Variants in RAB3GAP2 observed in about 807,000 individuals in gnomAD.
The protein encoded by RAB3GAP2 is rab3 GTPase-activating protein non-catalytic subunit.
A neutral mutation model predicts 185.3 loss-of-function variants in RAB3GAP2; 87 were observed. The ratio of observed to expected loss-of-function variants is 0.47; its 90% CI spans 0.39 to 0.56. The LOEUF is 0.56. Ranked by LOEUF, RAB3GAP2 falls within the 20% of genes least tolerant of loss-of-function variation. The pLI is 0.00. For synonymous variants in RAB3GAP2, 554 were observed against 576.1 expected (o/e 0.96, Z 0.55); for missense variants, 1,492 against 1,638.2 (o/e 0.91, Z 1.54).
rs1465554732 is a variant in RAB3GAP2 at position 220,151,200 on chromosome 1, C to T, written c.*51G>A. 6.4e-7 allele frequency: 1 copy of T among 1,550,786 alleles called. No homozygotes were observed. The highest frequency in any genetic ancestry group is 1.1e-5 in the South Asian group (1 of 89,070). On this transcript the variant is annotated 3_prime_UTR_variant, in exon 35 of 35. Coordinates refer to ENST00000358951, the MANE Select transcript of RAB3GAP2 (RefSeq NM_012414.4). ...GGTCTTACTATGTAAAATAACCATG[C>T]ACTACTTCATGTTATAATCATAATT...
intron 1 of RAB3GAP2, among the ~76,000 whole-genome samples, chr1:220,258,365 C>T (rs1660073527): frequency 6.6e-6 from 1 of 152,178 alleles, no homozygotes; most frequent in African/African-American, 2.4e-5. Context: ...AATCCAGCAT[C>T]ACCTCAAAAT....
chr1:220,257,898 T>A (rs919050322), intron 1 of RAB3GAP2, among the ~76,000 whole-genome samples: 6 of 151,988 alleles, frequency 3.9e-5, no homozygotes, highest in Non-Finnish European at 5.9e-5. Context: ...AAGGGGAATA[T>A]CACCACTGAC....
chr1:220,205,211 T>A (rs1353932567), intron 8 of RAB3GAP2, among the ~76,000 whole-genome samples: 1 of 152,214 alleles, frequency 6.6e-6, no homozygotes, highest in Non-Finnish European at 1.5e-5. Flanking sequence ...CCAAAAGATG[T>A]AACAACATCA....
At chr1:220,229,309 T>C (rs1055982757) in intron 2 of RAB3GAP2, among the ~76,000 whole-genome samples, 1 of 152,194 alleles carries the variant, frequency 6.6e-6, no homozygotes, top group African/African-American at 2.4e-5. Context: ...ACTGCATCTA[T>C]TCCACAGAGC....
rs1450102119 is a variant in RAB3GAP2, at chr1:220,182,274, T to C, written c.2293A>G (p.Ser765Gly). The C allele has an allele frequency of 6.2e-7, 1 of 1,613,870 alleles. No individual in the cohort carries two copies. The highest frequency in any genetic ancestry group is 1.7e-5 in the Admixed American group (1 of 59,980). ...MCHTLESAGLSPQLLLSLLLS... is the reference protein window; with the variant it reads ...MCHTLESAGLGPQLLLSLLLS... ...AACCTTACCAACAACAGCTGAGGGCTAAGACCAGCCGACTCCAAAGTGTGA... is the reference window on the plus strand; with the variant it reads ...AACCTTACCAACAACAGCTGAGGGCCAAGACCAGCCGACTCCAAAGTGTGA... Residue 765 changes from serine (S) to glycine (G), a missense_variant, in exon 21 of 35, where the codon AGC (serine) becomes GGC (glycine). Physicochemically the swap from Ser to Gly is moderately conservative, Grantham distance 56 (BLOSUM62 0). This residue lies in a region of RAB3GAP2 where 681 missense variants were observed against 689.1 expected (regional missense o/e 0.99). Transcript: ENST00000358951.
intron 1 of RAB3GAP2, among the ~76,000 whole-genome samples, chr1:220,238,449 T>C (rs141217814): frequency 7.2e-5 from 11 of 152,346 alleles, no homozygotes; most frequent in African/African-American, 2.6e-4. Flanking sequence ...TAAAGAGTTA[T>C]ATGATCTTGG....
At chr1:220,157,768 G>C in intron 30 of RAB3GAP2, 34 bp downstream of exon 30, 1 of 1,505,346 alleles carries the variant, frequency 6.6e-7, no homozygotes, top group Non-Finnish European at 9.2e-7. Context: ...AATATCTTAG[G>C]AGCAGTTCAG....
chr1:220,212,621 G>A (rs2102881251), intron 4 of RAB3GAP2, among the ~76,000 whole-genome samples: 1 of 152,134 alleles, frequency 6.6e-6, no homozygotes, highest in South Asian at 2.1e-4. Flanking sequence ...AGCCTCCCGA[G>A]TAGCTGGGAC....
At chr1:220,262,970 CT>C (rs530788403) in intron 1 of RAB3GAP2, among the ~76,000 whole-genome samples, 2,390 of 145,376 alleles carry the variant, frequency 0.016, 39 homozygotes, top group African/African-American at 0.045. Context: ...TATCCTGATA[CT>C]TTTTTTTTTT....
At chr1:220,175,512 C>A (rs563707171) in intron 21 of RAB3GAP2, among the ~76,000 whole-genome samples, 5 of 152,288 alleles carry the variant, frequency 3.3e-5, no homozygotes, top group African/African-American at 1.2e-4. Context: ...CCACTGCGCC[C>A]GGCCGGAATA....
chr1:220,210,879 G>A lies in RAB3GAP2; in HGVS notation c.435-3C>T, dbSNP rs372852057. ...AGTCAGGACGCCCAGTGGAACTCCT[G>A]TTACAAACAAAATTTATTATCTTAA... On this transcript the variant is annotated splice_polypyrimidine_tract_variant and splice_region_variant and intron_variant, in intron 5 of 34. Coordinates refer to ENST00000358951, the MANE Select transcript of RAB3GAP2 (RefSeq NM_012414.4). The A allele has an allele frequency of 1.2e-6, 2 of 1,613,690 alleles. No individual in the cohort carries two copies. The highest frequency in any genetic ancestry group is 1.3e-5 in the African/African-American group (1 of 74,900).
chr1:220,190,560 C>T, intron 14 of RAB3GAP2, 40 bp from the exon 15 acceptor site: 1 of 1,553,040 alleles, frequency 6.4e-7, no homozygotes, highest in Non-Finnish European at 8.9e-7. Context: ...AATATTAGAA[C>T]AAGGAGAAAT....
chr1:220,177,888 C>T (rs1210997348), intron 21 of RAB3GAP2, among the ~76,000 whole-genome samples: 2 of 151,986 alleles, frequency 1.3e-5, no homozygotes, highest in African/African-American at 2.4e-5. Context: ...AGGAGTAGAA[C>T]GTTTACTCAA....
rs377392299 is a variant in RAB3GAP2 at position 220,210,393 on chromosome 1, C to T, written c.607G>A (p.Glu203Lys). The part of the protein sequence containing the change: ...YEIPRHPGVT[E>K]QNEELSILYP... ...AACACAATTTTTTACACTACCTGCTCAGTCACGCCGGGATGTCGTGGTATT... is the reference window on the plus strand; with the variant it reads ...AACACAATTTTTTACACTACCTGCTTAGTCACGCCGGGATGTCGTGGTATT... The change falls in exon 7 of 35, where the codon GAG (glutamate) becomes AAG (lysine). Residue 203 changes from glutamate (E) to lysine (K), a missense_variant. Transcript: ENST00000358951. The T allele has an allele frequency of 6.2e-7, 1 of 1,613,100 alleles. No individual in the cohort carries two copies. The highest frequency in any genetic ancestry group is 8.5e-7 in the Non-Finnish European group (1 of 1,179,150).
intron 20 of RAB3GAP2, among the ~76,000 whole-genome samples, 175 bp downstream of exon 20, chr1:220,182,543 T>C (rs1365160392): frequency 6.6e-6 from 1 of 152,228 alleles, no homozygotes; most frequent in Non-Finnish European, 1.5e-5. Flanking sequence ...TTTAGTATAC[T>C]CATTAATACA....
At chr1:220,219,314 C>T (rs1413066558) in intron 2 of RAB3GAP2, 4 of 152,230 alleles carry the variant, frequency 2.6e-5, no homozygotes, top group African/African-American at 9.6e-5. Context: ...ACAGAAGGAA[C>T]TACAGGGATC....
rs1571872152 is a variant in RAB3GAP2, at chr1:220,153,522, T to C, written c.3646-116A>G. On this transcript the variant is annotated intron_variant, in intron 32 of 34. Transcript: ENST00000358951. Reference sequence around the variant, plus strand: ...ATAGTGGCTTTTCCATTAAATTGTTTAGTTATCAAAAAAGGAACACATCAT... The same window carrying C: ...ATAGTGGCTTTTCCATTAAATTGTTCAGTTATCAAAAAAGGAACACATCAT... 1.5e-5 allele frequency: 14 copies of C among 944,610 alleles called. No homozygotes were observed. The East Asian group carries it at 3.0e-4, about 20-fold the overall frequency. 58.5% of individuals were successfully genotyped at this position (944,610 alleles called of 1,614,324 possible). A position where few individuals can be genotyped will look rare whatever the true frequency, so the allele number is the denominator to read the frequency against.
At chr1:220,227,767 T>C (rs566582403) in intron 2 of RAB3GAP2, among the ~76,000 whole-genome samples, 1 of 152,236 alleles carries the variant, frequency 6.6e-6, no homozygotes, top group Non-Finnish European at 1.5e-5. Flanking sequence ...GTCTGTTTGT[T>C]TGGAGACAGA....
chr1:220,253,086 G>A (rs190254149), intron 1 of RAB3GAP2, among the ~76,000 whole-genome samples: 27 of 152,320 alleles, frequency 1.8e-4, no homozygotes, highest in African/African-American at 5.3e-4. Flanking sequence ...CCTGCTGGCT[G>A]TGGAGAATAG....
Sources: gnomAD v4.1 joint callset for allele counts (sites outside exome capture counted in the v4.1 genomes callset) on GRCh38, gnomAD v4.1.1 for gene constraint, gnomAD v4.1.1 regional missense constraint, MANE v1.5 for transcripts, NCBI Gene and HGNC (gene_info 2026-07-23, HGNC 2026-07-21) for gene names.